OGFOD1: variants seen among roughly 807,000 people sequenced by gnomAD.
OGFOD1 encodes the protein prolyl 3-hydroxylase OGFOD1.
Under a neutral mutation model 67.7 loss-of-function variants are expected in OGFOD1, and 54 were observed. That is an observed-to-expected ratio of 0.80 (90% confidence interval 0.64 to 1.00). The LOEUF is 1.00. OGFOD1 is among the 50% of genes least tolerant of loss of function. The probability of loss-of-function intolerance (pLI) is 0.00; values close to 1 mark genes in which losing one functional copy is unlikely to be tolerated. For missense variants in OGFOD1, 606 were observed against 646.7 expected (o/e 0.94, Z 0.68); for synonymous variants, 221 against 227.0 (o/e 0.97, Z 0.24).
chr16:56,458,169 T>C lies in OGFOD1; in HGVS notation c.301-379T>C, dbSNP rs188831866. The C allele has an allele frequency of 2.2e-3, 507 of 227,974 alleles. 2 individuals carry two copies. The highest frequency in any genetic ancestry group is 0.017 in the East Asian group (134 of 8,100). The allele number at this position is 227,974 out of a possible 1,614,324, so 14.1% of individuals were successfully genotyped here. On this transcript the variant is annotated intron_variant, in intron 2 of 12. Coordinates refer to ENST00000566157, the MANE Select transcript of OGFOD1 (RefSeq NM_018233.4). ...TCCCTGAAGTCTACCTTGGCCAACC[T>C]GTTTATAATTGCAAACCACTCCCCA...
chr16:56,453,377 AG>A lies in OGFOD1; in HGVS notation c.270del (p.Lys91SerfsTer14). The A allele has an allele frequency of 6.2e-7, 1 of 1,613,298 alleles. No homozygotes were observed. Among genetic ancestry groups the A allele is most frequent in the Non-Finnish European group, 8.5e-7 (1 of 1,179,760 alleles). ...GAACTGATGAACTTGGACTTCCATG[AG>A]AAGTATAATGATTTATATAAGTTCC... is the stretch of plus-strand genomic sequence containing the variant. ...QKELMNLDFH[E>X]KYNDLYKFQQ... On this transcript the variant is annotated frameshift_variant, in exon 2 of 13. Transcript: ENST00000566157. LOFTEE classifies it high-confidence loss of function.
At position 56,451,580 on chromosome 16, in the gene OGFOD1, T is replaced by G; in HGVS notation, c.-33T>G. On this transcript the variant is annotated 5_prime_UTR_variant, in exon 1 of 13. Coordinates refer to ENST00000566157, the MANE Select transcript of OGFOD1 (RefSeq NM_018233.4). ...TACCCTCAGGAAGGTAGCGTCTTGA[T>G]CTGCGTGGCGTGGTTCTGTGCCTTG... The G allele has an allele frequency of 1.2e-6, 2 of 1,611,330 alleles. No homozygotes were observed. The highest frequency in any genetic ancestry group is 1.7e-6 in the Non-Finnish European group (2 of 1,179,356).
Position 56,466,156 on chromosome 16 carries a change from C to G in OGFOD1, c.453C>G (p.Ala151=). 3 of 1,613,432 alleles carry G rather than the reference C, an allele frequency of 1.9e-6. No individual in the cohort carries two copies. Among genetic ancestry groups the G allele is most frequent in the Non-Finnish European group, 2.5e-6 (3 of 1,179,482 alleles). The change falls in exon 5 of 13, where the codon GCC becomes GCG. Residue 151 remains alanine, a synonymous_variant. Transcript: ENST00000566157. ...GTGTCCATTAAACTATTGCAGATGC[C>G]CTGCTGTGCCATGATGATGAGCTGG... ...MSCAKYEFTD[A]LLCHDDELEG...
Position 56,476,304 on chromosome 16 carries a change from G to A in OGFOD1, c.*99G>A. 3 of 1,128,902 alleles carry A rather than the reference G, an allele frequency of 2.7e-6. No homozygotes were observed. In the South Asian group the frequency reaches 4.9e-5, roughly 18 times the overall value. The allele number at this position is 1,128,902 out of a possible 1,614,324, so 69.9% of individuals were successfully genotyped here. ...GTCAAGGAGAACTACATGGTAGCTTGCCTGACAGTGTTCTTAAAACTGGTT... is the reference window on the plus strand; with the variant it reads ...GTCAAGGAGAACTACATGGTAGCTTACCTGACAGTGTTCTTAAAACTGGTT... On this transcript the variant is annotated 3_prime_UTR_variant, in exon 13 of 13. Coordinates refer to ENST00000566157, the MANE Select transcript of OGFOD1 (RefSeq NM_018233.4).
intron 1 of OGFOD1, among the ~76,000 whole-genome samples, chr16:56,452,653 A>C (rs1962380877): frequency 6.6e-6 from 1 of 152,132 alleles, no homozygotes; most frequent in Admixed American, 6.6e-5. Flanking sequence ...GGAGAGTGAT[A>C]ATGTCTCCCT....
chr16:56,464,838 A>T (rs2144006409), intron 4 of OGFOD1, among the ~76,000 whole-genome samples: 1 of 152,178 alleles, frequency 6.6e-6, no homozygotes, highest in South Asian at 2.1e-4. Context: ...GGTTCCTTTT[A>T]GTGAAGAAAG....
chr16:56,475,561 A>G lies in OGFOD1; in HGVS notation c.1463A>G (p.Glu488Gly), dbSNP rs1963430278. 6.2e-7 allele frequency: 1 copy of G among 1,613,764 alleles called. No individual in the cohort carries two copies. The highest frequency in any genetic ancestry group is 8.5e-7 in the Non-Finnish European group (1 of 1,179,726). The stretch of plus-strand genomic sequence containing the variant: ...TCTTACATTGCCAAAGGTGAAGATG[A>G]AGAGGTAAGTTTCTTCTGATAGCAA... ...FTSYIAKGEDEELLTVNPESN... is the reference protein window; with the variant it reads ...FTSYIAKGEDGELLTVNPESN... The change falls in exon 12 of 13, where the codon GAA becomes GGA. Residue 488 changes from glutamate to glycine, a missense_variant. Transcript: ENST00000566157.
In OGFOD1 at chr16:56,459,880, A is replaced by AT. The variant is rs200240809; in HGVS notation, c.347+1295dup. On this transcript the variant is annotated intron_variant, in intron 3 of 12. Transcript: ENST00000566157. ...TTAACTCCTGCTAGTAGGAATACAG[A>AT]TTTTTTTTTAATAGTTTTTTACTTA... 4.7e-3 allele frequency among the ~76,000 whole-genome samples: 712 copies of AT among 151,836 alleles called. 13 individuals carry two copies. Among genetic ancestry groups the AT allele is most frequent in the Middle Eastern group, 3.4e-3 (1 of 294 alleles).
In OGFOD1 at chr16:56,451,561, C is replaced by T; in HGVS notation, c.-52C>T. On this transcript the variant is annotated 5_prime_UTR_variant, in exon 1 of 13. Coordinates refer to ENST00000566157, the MANE Select transcript of OGFOD1 (RefSeq NM_018233.4). ...GACATGCCGGGAGTTGCAGTACCCTCAGGAAGGTAGCGTCTTGATCTGCGT... is the reference window on the plus strand; with the variant it reads ...GACATGCCGGGAGTTGCAGTACCCTTAGGAAGGTAGCGTCTTGATCTGCGT... 1.9e-6 allele frequency: 3 copies of T among 1,600,664 alleles called. No individual in the cohort carries two copies. Among genetic ancestry groups the T allele is most frequent in the Non-Finnish European group, 1.7e-6 (2 of 1,172,600 alleles).
chr16:56,462,907 A>G (rs1962761719), intron 4 of OGFOD1, among the ~76,000 whole-genome samples: 1 of 152,242 alleles, frequency 6.6e-6, no homozygotes, highest in Non-Finnish European at 1.5e-5. Flanking sequence ...TACAATATCA[A>G]GAAATTCAGA....
chr16:56,476,455 A>G lies in OGFOD1; in HGVS notation c.*250A>G, dbSNP rs1290149353. On this transcript the variant is annotated 3_prime_UTR_variant, in exon 13 of 13. Coordinates refer to ENST00000566157, the MANE Select transcript of OGFOD1 (RefSeq NM_018233.4). ...TTTTAACATTTAGTCCTTTTTCCAT[A>G]TTGGCTTCTTCAGTGAATTTTTAAG... 3.3e-6 allele frequency: 1 copy of G among 302,836 alleles called. No homozygotes were observed. Among genetic ancestry groups the G allele is most frequent in the Non-Finnish European group, 5.9e-6 (1 of 168,580 alleles). 18.8% of individuals were successfully genotyped at this position (302,836 alleles called of 1,614,324 possible). A position where few individuals can be genotyped will look rare whatever the true frequency, so the allele number is the denominator to read the frequency against.
At chr16:56,462,102 A>G (rs1962730502) in intron 3 of OGFOD1, among the ~76,000 whole-genome samples, 1 of 151,892 alleles carries the variant, frequency 6.6e-6, no homozygotes, top group African/African-American at 2.4e-5. Flanking sequence ...CAAAAAAAAA[A>G]AAAGAAAGAA....
chr16:56,451,995 G>A (rs1207948090), intron 1 of OGFOD1, among the ~76,000 whole-genome samples: 1 of 152,202 alleles, frequency 6.6e-6, no homozygotes, highest in Non-Finnish European at 1.5e-5. Flanking sequence ...GAGAGTTTTG[G>A]GAAGCAGAGG....
rs144253215 is a variant in OGFOD1, at chr16:56,451,725, A to G, written c.113A>G (p.Gln38Arg). The G allele has an allele frequency of 5.3e-5, 86 of 1,613,652 alleles. No homozygotes were observed. The African/African-American group carries it at 9.9e-4, about 19-fold the overall frequency. ...GTTACGGAAGAAACCTTGAAAAAGC[A>G]GGTGGCTGAGGCCTGGAGCCGCAGG... ...DAVTEETLKK[Q>R]VAEAWSRRTP... is the part of the protein sequence containing the mutation. The change falls in exon 1 of 13, where the codon CAG becomes CGG. Residue 38 changes from glutamine (Q) to arginine (R), a missense_variant. Gln to Arg is a conservative substitution (Grantham distance 43, BLOSUM62 1). Coordinates refer to ENST00000566157, the MANE Select transcript of OGFOD1 (RefSeq NM_018233.4).
intron 11 of OGFOD1, 105 bp downstream of exon 11, chr16:56,475,055 C>A: frequency 8.6e-7 from 1 of 1,158,030 alleles, no homozygotes; most frequent in South Asian, 1.4e-5. Context: ...TTGCCTAGTT[C>A]AGAATCTCAC....
chr16:56,457,039 T>G (rs1432557881), intron 2 of OGFOD1, among the ~76,000 whole-genome samples: 2 of 152,246 alleles, frequency 1.3e-5, no homozygotes, highest in Admixed American at 1.3e-4. Context: ...TGTCACCTGC[T>G]TAGACAGTCA....
chr16:56,460,435 AT>A (rs1182484840), intron 3 of OGFOD1, among the ~76,000 whole-genome samples: 1 of 152,234 alleles, frequency 6.6e-6, no homozygotes, highest in Non-Finnish European at 1.5e-5. Flanking sequence ...CCAGTAAAGG[AT>A]TTAAGACTAT....
chr16:56,461,901 T>A (rs1330571964), intron 3 of OGFOD1, among the ~76,000 whole-genome samples: 1 of 152,112 alleles, frequency 6.6e-6, no homozygotes, highest in East Asian at 1.9e-4. Context: ...GAGACCAGCC[T>A]GGCCAACATG....
rs1180168504 is a variant in OGFOD1, at chr16:56,466,284, G to GTGCA, written c.565+21_565+24dup. 5 of 1,519,548 alleles carry GTGCA rather than the reference G, an allele frequency of 3.3e-6. No individual in the cohort carries two copies. The African/African-American group carries it at 6.8e-5, about 21-fold the overall frequency. 94.1% of individuals were successfully genotyped at this position (1,519,548 alleles called of 1,614,324 possible). A position where few individuals can be genotyped will look rare whatever the true frequency, so the allele number is the denominator to read the frequency against. On this transcript the variant is annotated intron_variant, in intron 5 of 12. Transcript: ENST00000566157. ...AGCATTGATGGTAAGATAAGTATAA[G>GTGCA]TGCATGCACTTCACCACCAGTGGCA...
Sources: allele counts gnomAD v4.1 joint callset (sites outside exome capture counted in the v4.1 genomes callset), GRCh38; gene constraint gnomAD v4.1.1; transcripts MANE v1.5; gene names NCBI Gene and HGNC (gene_info 2026-07-23, HGNC 2026-07-21).